DENND1A: variants seen among roughly 807,000 people sequenced by gnomAD.
DENND1A encodes DENN domain-containing protein 1A.
In DENND1A, 51 loss-of-function variants were observed where a neutral mutation model predicts 113.7. The ratio of observed to expected loss-of-function variants is 0.45; its 90% CI spans 0.36 to 0.57. The LOEUF is 0.57. Among genes scored for constraint, DENND1A ranks in the 20% least tolerant of loss-of-function variants. DENND1A has a pLI of 0.00. For synonymous variants in DENND1A, 565 were observed against 570.8 expected (o/e 0.99, Z 0.14); for missense variants, 1,258 against 1,395.9 (o/e 0.90, Z 1.57).
chr9:123,601,515 G>T (rs1220234697), intron 11 of DENND1A, among the ~76,000 whole-genome samples: 1 of 152,200 alleles, frequency 6.6e-6, no homozygotes, highest in African/African-American at 2.4e-5. Flanking sequence ...GATGGTACGA[G>T]ACTCATAAGT....
chr9:123,590,182 C>G (rs956682954), intron 11 of DENND1A, among the ~76,000 whole-genome samples: 1 of 152,220 alleles, frequency 6.6e-6, no homozygotes, highest in Non-Finnish European at 1.5e-5. Flanking sequence ...CTCCCATGAC[C>G]TGTGCTCCCC....
intron 19 of DENND1A, among the ~76,000 whole-genome samples, chr9:123,420,052 T>G (rs1366668538): frequency 6.6e-6 from 1 of 152,176 alleles, no homozygotes; most frequent in African/African-American, 2.4e-5. Flanking sequence ...TAACAAGCTG[T>G]CACTCTAGAG....
At chr9:123,648,198 G>A (rs772812657) in intron 9 of DENND1A, among the ~76,000 whole-genome samples, 11 of 152,242 alleles carry the variant, frequency 7.2e-5, no homozygotes, top group South Asian at 6.2e-4. Context: ...TCCCGCCTCA[G>A]CATCCCTAGT....
chr9:123,783,810 T>C (rs1245083001), intron 3 of DENND1A, among the ~76,000 whole-genome samples: 1 of 152,246 alleles, frequency 6.6e-6, no homozygotes, highest in South Asian at 2.1e-4. Flanking sequence ...GCCCCCAATC[T>C]GTCCTAGCTG....
At chr9:123,678,972 G>C (rs773066211) in intron 5 of DENND1A, among the ~76,000 whole-genome samples, 1 of 152,112 alleles carries the variant, frequency 6.6e-6, no homozygotes, top group Non-Finnish European at 1.5e-5. Flanking sequence ...AATCCCCTCA[G>C]AAGAAAACTC....
chr9:123,794,502 T>G (rs1833485423), intron 2 of DENND1A, among the ~76,000 whole-genome samples: 2 of 152,326 alleles, frequency 1.3e-5, no homozygotes, highest in Non-Finnish European at 2.9e-5. Context: ...CCAAACTTCA[T>G]ACAAAAATTA....
intron 1 of DENND1A, among the ~76,000 whole-genome samples, chr9:123,907,748 T>C (rs1179995300): frequency 4.8e-5 from 7 of 145,392 alleles, no homozygotes; most frequent in African/African-American, 1.8e-4. Flanking sequence ...GAAGAATCAA[T>C]ATCGTGAAAA....
intron 4 of DENND1A, among the ~76,000 whole-genome samples, chr9:123,760,737 T>C (rs536296118): frequency 2.6e-5 from 4 of 152,172 alleles, no homozygotes; most frequent in Non-Finnish European, 5.9e-5. Context: ...TTAACAAGGT[T>C]GAGAACTGAA....
intron 2 of DENND1A, among the ~76,000 whole-genome samples, chr9:123,871,565 T>C (rs1351024784): frequency 6.6e-6 from 1 of 152,222 alleles, no homozygotes; most frequent in African/African-American, 2.4e-5. Flanking sequence ...TCAGTTTTCT[T>C]CATGATACTG....
At chr9:123,777,162 A>T (rs1019019685) in intron 3 of DENND1A, among the ~76,000 whole-genome samples, 2 of 152,234 alleles carry the variant, frequency 1.3e-5, no homozygotes, top group African/African-American at 4.8e-5. Context: ...AAAGTTTCCA[A>T]TGAAAAGGCA....
At chr9:123,432,663 G>T (rs75583554) in intron 19 of DENND1A, among the ~76,000 whole-genome samples, 1 of 152,226 alleles carries the variant, frequency 6.6e-6, no homozygotes, top group Non-Finnish European at 1.5e-5. Flanking sequence ...TGAAAGAGAG[G>T]TGTGCAGGGT....
At chr9:123,582,582 G>A (rs770330787) in intron 12 of DENND1A, among the ~76,000 whole-genome samples, 1 of 151,894 alleles carries the variant, frequency 6.6e-6, no homozygotes, top group Non-Finnish European at 1.5e-5. Flanking sequence ...TGTATTTTTA[G>A]TAGAGACTGT....
intron 10 of DENND1A, 107 bp downstream of exon 10, chr9:123,630,269 T>A: frequency 2.5e-6 from 1 of 398,708 alleles, no homozygotes; most frequent in Non-Finnish European, 4.0e-6. Flanking sequence ...TGGATGAAGT[T>A]AATATTTTTA....
intron 19 of DENND1A, among the ~76,000 whole-genome samples, chr9:123,425,060 C>G (rs1336514598): frequency 6.6e-6 from 1 of 152,182 alleles, no homozygotes; most frequent in East Asian, 1.9e-4. Flanking sequence ...GACCATGGGG[C>G]GGGGACTCCC....
intron 13 of DENND1A, among the ~76,000 whole-genome samples, chr9:123,538,017 G>A (rs1426667633): frequency 2.0e-5 from 3 of 152,308 alleles, no homozygotes; most frequent in East Asian, 1.9e-4. Flanking sequence ...AGTGTCTTGC[G>A]TAATGGCTGC....
chr9:123,559,198 G>A (rs898900616), intron 12 of DENND1A, among the ~76,000 whole-genome samples: 21 of 152,292 alleles, frequency 1.4e-4, no homozygotes, highest in Middle Eastern at 3.4e-3. Flanking sequence ...CTTCGGTGGC[G>A]AAAATGAGGG....
intron 13 of DENND1A, among the ~76,000 whole-genome samples, chr9:123,470,846 A>G (rs1186774940): frequency 6.6e-6 from 1 of 152,088 alleles, no homozygotes; most frequent in East Asian, 1.9e-4. Context: ...TCCCTTATTT[A>G]TTATCACTCC....
rs534674397 is a variant in DENND1A at position 123,490,797 on chromosome 9, C to T, written c.994-32900G>A. 2.4e-4 allele frequency among the ~76,000 whole-genome samples: 37 copies of T among 152,032 alleles called. No homozygotes were observed. The South Asian group carries it at 2.9e-3, about 12-fold the overall frequency. On this transcript the variant is annotated intron_variant, in intron 13 of 23. Transcript: ENST00000394215. ...TGAGAGTTACGTTGTTTTTTTCATC[C>T]TAGGCCACAGGAAACTGCTGTGTAT...
intron 19 of DENND1A, among the ~76,000 whole-genome samples, chr9:123,423,474 G>T (rs1398860443): frequency 1.3e-5 from 2 of 152,122 alleles, no homozygotes; most frequent in African/African-American, 4.8e-5. Context: ...GAAGCTGTGT[G>T]TCAGGGTGCC....
Sources: allele counts gnomAD v4.1 joint callset (sites outside exome capture counted in the v4.1 genomes callset), GRCh38; gene constraint gnomAD v4.1.1; transcripts MANE v1.5; gene names NCBI Gene and HGNC (gene_info 2026-07-23, HGNC 2026-07-21).